Variants in ULK4 observed in about 807,000 individuals in gnomAD.
ULK4 encodes the protein inactive serine/threonine-protein kinase ULK4.
In ULK4, 133 loss-of-function variants were observed where a neutral mutation model predicts 160.6. The observed-to-expected ratio is 0.83, with a 90% CI of 0.72 to 0.96. The LOEUF is 0.96. Among genes scored for constraint, ULK4 ranks in the 40% least tolerant of loss-of-function variants. The pLI, the probability that ULK4 is intolerant of heterozygous loss-of-function variation, is 0.00. For missense variants in ULK4, 1,580 were observed against 1,499.5 expected, an observed-to-expected ratio of 1.05 and a Z score of -0.89; for synonymous variants, 534 against 539.8, an observed-to-expected ratio of 0.99 and a Z score of 0.15.
intron 32 of ULK4, among the ~76,000 whole-genome samples, chr3:41,507,913 T>C (rs2085449705): frequency 6.6e-6 from 1 of 152,154 alleles, no homozygotes; most frequent in Non-Finnish European, 1.5e-5. Context: ...CACAGCAACA[T>C]ACCAGGAAGG....
chr3:41,772,453 T>C (rs2125921432), intron 21 of ULK4, among the ~76,000 whole-genome samples: 1 of 152,060 alleles, frequency 6.6e-6, no homozygotes, highest in East Asian at 1.9e-4. Context: ...TCTACGCAAA[T>C]AAACTAGAAA....
intron 35 of ULK4, among the ~76,000 whole-genome samples, chr3:41,394,717 T>C (rs1374983505): frequency 1.3e-5 from 2 of 152,132 alleles, no homozygotes; most frequent in Non-Finnish European, 2.9e-5. Flanking sequence ...TTCCATTTAA[T>C]TAGAACTGAG....
chr3:41,329,807 T>C (rs2080408096), intron 35 of ULK4, among the ~76,000 whole-genome samples: 1 of 152,244 alleles, frequency 6.6e-6, no homozygotes, highest in South Asian at 2.1e-4. Flanking sequence ...TTAGAGATTT[T>C]TAATCATTTG....
intron 21 of ULK4, among the ~76,000 whole-genome samples, chr3:41,769,823 T>G (rs887262651): frequency 6.6e-6 from 1 of 152,160 alleles, no homozygotes; most frequent in East Asian, 1.9e-4. Flanking sequence ...ACTTCAAAAT[T>G]ATCTCTTACA....
chr3:41,300,839 A>T lies in ULK4; in HGVS notation c.3679-51265T>A, dbSNP rs1197774667. ...TTAAATTTTGATCATTTTACAGATT[A>T]TATATATATATATATATATATATAT... On this transcript the variant is annotated intron_variant, in intron 35 of 36. Transcript: ENST00000301831. Among the ~76,000 whole-genome samples, 111 of 17,522 alleles carry T rather than the reference A, an allele frequency of 6.3e-3. 1 individual carries two copies. The highest frequency in any genetic ancestry group is 0.02 in the African/African-American group (102 of 5,192). 11.5% of individuals were successfully genotyped at this position (17,522 alleles called of 152,430 possible).
At chr3:41,307,845 C>T (rs2079978553) in intron 35 of ULK4, among the ~76,000 whole-genome samples, 1 of 136,930 alleles carries the variant, frequency 7.3e-6, no homozygotes, top group Non-Finnish European at 1.6e-5. Flanking sequence ...TACATACATA[C>T]ACATATAATA....
At chr3:41,911,489 A>T in intron 10 of ULK4, 52 bp downstream of exon 10, 1 of 1,584,838 alleles carries the variant, frequency 6.3e-7, no homozygotes, top group East Asian at 2.2e-5. Context: ...GAAATTAGGA[A>T]CTCTCTCAAA....
intron 29 of ULK4, among the ~76,000 whole-genome samples, chr3:41,672,972 G>C (rs1219119429): frequency 1.3e-5 from 2 of 152,028 alleles, no homozygotes; most frequent in Admixed American, 6.6e-5. Flanking sequence ...CAAGTAGCTA[G>C]GACTACAGGC....
intron 35 of ULK4, among the ~76,000 whole-genome samples, chr3:41,384,925 C>T (rs923069504): frequency 6.6e-6 from 1 of 152,048 alleles, no homozygotes; most frequent in African/African-American, 2.4e-5. Context: ...CATGCTGGTG[C>T]ATGCCTGTAG....
At chr3:41,558,351 A>G (rs547501495) in intron 32 of ULK4, among the ~76,000 whole-genome samples, 1 of 152,262 alleles carries the variant, frequency 6.6e-6, no homozygotes, top group Admixed American at 6.5e-5. Flanking sequence ...GGGTAAGTGC[A>G]TATTTTTCTT....
chr3:41,282,351 A>C (rs1228787418), intron 35 of ULK4, among the ~76,000 whole-genome samples: 1 of 152,234 alleles, frequency 6.6e-6, no homozygotes, highest in East Asian at 1.9e-4. Context: ...AGATAATTCT[A>C]AGCCAAAAGA....
intron 27 of ULK4, among the ~76,000 whole-genome samples, chr3:41,702,236 C>T (rs2036699803): frequency 6.6e-6 from 1 of 152,118 alleles, no homozygotes; most frequent in Admixed American, 6.5e-5. Flanking sequence ...CCTCCACCTC[C>T]CAGATTCAAG....
chr3:41,338,884 C>T (rs984994122), intron 35 of ULK4, among the ~76,000 whole-genome samples: 3 of 151,920 alleles, frequency 2.0e-5, no homozygotes, highest in African/African-American at 7.3e-5. Flanking sequence ...TATCCCAGCA[C>T]AAGCAGTCAA....
chr3:41,556,723 G>A (rs887303318), intron 32 of ULK4, among the ~76,000 whole-genome samples: 5 of 151,852 alleles, frequency 3.3e-5, no homozygotes, highest in African/African-American at 9.7e-5. Context: ...TGCTGACCTC[G>A]TAATCCGCCC....
At chr3:41,690,391 T>C (rs541187366) in intron 27 of ULK4, among the ~76,000 whole-genome samples, 1 of 151,364 alleles carries the variant, frequency 6.6e-6, no homozygotes, top group Admixed American at 6.6e-5. Flanking sequence ...TGTATACATA[T>C]GTAACTAACC....
intron 27 of ULK4, among the ~76,000 whole-genome samples, chr3:41,696,026 C>T (rs745724751): frequency 5.9e-5 from 9 of 152,126 alleles, no homozygotes; most frequent in Non-Finnish European, 1.3e-4. Flanking sequence ...GGAAGACGCC[C>T]GCTGCCAAGC....
chr3:41,944,008 C>T (rs796528335), intron 2 of ULK4, among the ~76,000 whole-genome samples: 65 of 152,260 alleles, frequency 4.3e-4, no homozygotes, highest in African/African-American at 1.5e-3. Flanking sequence ...AAAAGATTTC[C>T]GCCCCTCCTG....
At chr3:41,622,601 G>T (rs2033305793) in intron 30 of ULK4, among the ~76,000 whole-genome samples, 1 of 152,144 alleles carries the variant, frequency 6.6e-6, no homozygotes, top group African/African-American at 2.4e-5. Flanking sequence ...GCCTGTCGGG[G>T]AGTGGAGGGA....
At chr3:41,610,715 A>G (rs2032634518) in intron 31 of ULK4, among the ~76,000 whole-genome samples, 1 of 152,186 alleles carries the variant, frequency 6.6e-6, no homozygotes, top group African/African-American at 2.4e-5. Flanking sequence ...AAACTAGTGT[A>G]TTGCTAATCC....
Sources: gnomAD v4.1 joint callset for allele counts (sites outside exome capture counted in the v4.1 genomes callset) on GRCh38, gnomAD v4.1.1 for gene constraint, MANE v1.5 for transcripts, NCBI Gene and HGNC (gene_info 2026-07-23, HGNC 2026-07-21) for gene names.